Variants in COL22A1 observed in about 807,000 individuals in gnomAD.
The protein encoded by COL22A1 is collagen type XXII alpha 1 chain, also known as collagen alpha-1(XXII) chain.
A neutral mutation model predicts 248.9 loss-of-function variants in COL22A1; 221 were observed. That is an observed-to-expected ratio of 0.89 (90% CI 0.80 to 0.99). The LOEUF is 0.99. Ranked by LOEUF, COL22A1 falls within the 50% of genes least tolerant of loss-of-function variation. The probability of loss-of-function intolerance (pLI) is 0.00; values close to 1 mark genes in which losing one functional copy is unlikely to be tolerated. For synonymous variants in COL22A1, 891 were observed against 793.4 expected (o/e 1.12, Z -2.07); for missense variants, 2,240 against 2,179.0 (o/e 1.03, Z -0.56).
intron 12 of COL22A1, among the ~76,000 whole-genome samples, chr8:138,789,528 C>G (rs1164465536): frequency 6.6e-6 from 1 of 152,174 alleles, no homozygotes; most frequent in Non-Finnish European, 1.5e-5. Flanking sequence ...AGAAGTTTCA[C>G]AAATATAAAG....
In COL22A1 at chr8:138,678,530, T is replaced by C. The variant is rs369841562; in HGVS notation, c.3072+1087A>G. On this transcript the variant is annotated intron_variant, in intron 40 of 64. Coordinates refer to ENST00000303045, the MANE Select transcript of COL22A1 (RefSeq NM_152888.3). The stretch of plus-strand genomic sequence containing the variant: ...GGAAGTTCAAGATACTTCGGATCCC[T>C]AGAAAATCTAACTAGTTTCTATGGG... Among the ~76,000 whole-genome samples, 130 of 152,100 alleles carry C rather than the reference T, an allele frequency of 8.5e-4. 1 individual carries two copies. In the South Asian group the frequency reaches 0.021, roughly 25 times the overall value.
Position 138,811,834 on chromosome 8 carries a change from T to C in COL22A1, c.1414A>G (p.Lys472Glu), listed in dbSNP as rs1295644323. Residue 472 changes from lysine to glutamate, a missense_variant, in exon 9 of 65, where the codon AAG becomes GAG. Lys to Glu is a moderately conservative substitution (Grantham distance 56). Coordinates refer to ENST00000303045, the MANE Select transcript of COL22A1 (RefSeq NM_152888.3). ...GCTGGGCAGGAGCAGTTGATGGTCT[T>C]CAAAAACCCAATCTGTTCACTGCCT... ...TPGSEQIGFL[K>E]TINCSCPAGE... 1 of 1,429,010 alleles carries C rather than the reference T, an allele frequency of 7.0e-7. No individual in the cohort carries two copies. Among genetic ancestry groups the C allele is most frequent in the East Asian group, 3.5e-5 (1 of 28,198 alleles). The allele number at this position is 1,429,010 out of a possible 1,614,324, so 88.5% of individuals were successfully genotyped here.
chr8:138,882,978 CAGTT>C, intron 2 of COL22A1, 100 bp downstream of exon 2: 4 of 1,014,352 alleles, frequency 3.9e-6, no homozygotes, highest in Non-Finnish European at 5.7e-6. Flanking sequence ...CTCACACAGT[CAGTT>C]GTGAACTCAC....
chr8:138,831,078 C>T (rs1340933543), intron 5 of COL22A1, among the ~76,000 whole-genome samples: 3 of 152,182 alleles, frequency 2.0e-5, no homozygotes, highest in African/African-American at 7.2e-5. Context: ...CTCATTTCTT[C>T]TTCTGTAGAA....
chr8:138,686,250 G>C (rs1395392520), intron 37 of COL22A1, among the ~76,000 whole-genome samples: 1 of 152,144 alleles, frequency 6.6e-6, no homozygotes, highest in Non-Finnish European at 1.5e-5. Context: ...GGGTCGGCTT[G>C]AGGACCTGGG....
At chr8:138,876,141 C>T (rs183168945) in intron 3 of COL22A1, among the ~76,000 whole-genome samples, 258 of 152,276 alleles carry the variant, frequency 1.7e-3, no homozygotes, top group African/African-American at 6.0e-3. Context: ...GACAATCTGG[C>T]AATGCCCAGC....
chr8:138,751,742 C>T (rs575005628), intron 21 of COL22A1, among the ~76,000 whole-genome samples: 4 of 152,298 alleles, frequency 2.6e-5, no homozygotes, highest in Middle Eastern at 3.4e-3. Context: ...AAACCTAGTT[C>T]GTACTTTATA....
At chr8:138,786,571 C>T (rs1815534460) in intron 12 of COL22A1, among the ~76,000 whole-genome samples, 1 of 152,108 alleles carries the variant, frequency 6.6e-6, no homozygotes, top group African/African-American at 2.4e-5. Context: ...TCCAAAATTC[C>T]CCAGCTGGAC....
At chr8:138,684,357 C>A in intron 39 of COL22A1, 68 bp downstream of exon 39, 1 of 1,009,356 alleles carries the variant, frequency 9.9e-7, no homozygotes, top group South Asian at 1.3e-5. Context: ...TGCTTATAAT[C>A]AATTTTTCCA....
At chr8:138,808,872 G>A (rs1299496802) in intron 9 of COL22A1, among the ~76,000 whole-genome samples, 1 of 152,174 alleles carries the variant, frequency 6.6e-6, no homozygotes, top group Non-Finnish European at 1.5e-5. Flanking sequence ...AAGAGTGCCT[G>A]GTACACAGTT....
At chr8:138,750,774 A>C (rs1287255618) in intron 22 of COL22A1, among the ~76,000 whole-genome samples, 1 of 152,212 alleles carries the variant, frequency 6.6e-6, no homozygotes, top group Admixed American at 6.5e-5. Context: ...AGTTCAACAA[A>C]TGTGAGCTGA....
At chr8:138,675,978 G>A (rs1825474242) in intron 41 of COL22A1, among the ~76,000 whole-genome samples, 1 of 152,180 alleles carries the variant, frequency 6.6e-6, no homozygotes, top group African/African-American at 2.4e-5. Flanking sequence ...GATATTGATA[G>A]CAATCCTCAA....
At chr8:138,850,968 T>C (rs1821596872) in intron 3 of COL22A1, among the ~76,000 whole-genome samples, 2 of 152,156 alleles carry the variant, frequency 1.3e-5, no homozygotes, top group Admixed American at 6.5e-5. Flanking sequence ...CACGTCTCAG[T>C]GCAAGGAACA....
intron 42 of COL22A1, among the ~76,000 whole-genome samples, chr8:138,662,672 CG>C (rs1824074626): frequency 6.6e-6 from 1 of 151,934 alleles, no homozygotes; most frequent in African/African-American, 2.4e-5. Flanking sequence ...ACTGTGCTAC[CG>C]GGCTGCTCAG....
chr8:138,822,378 T>G (rs7819435), intron 6 of COL22A1, among the ~76,000 whole-genome samples: 23,767 of 151,990 alleles, frequency 0.16, 3,486 homozygotes, highest in African/African-American at 0.39. Context: ...GAATAAATGA[T>G]TATGTTCTCA....
chr8:138,835,164 G>A (rs951191054), intron 4 of COL22A1, among the ~76,000 whole-genome samples: 6 of 152,132 alleles, frequency 3.9e-5, no homozygotes, highest in African/African-American at 1.4e-4. Flanking sequence ...GGATTGGACC[G>A]TTCCCTGCCC....
intron 40 of COL22A1, among the ~76,000 whole-genome samples, chr8:138,677,472 T>G (rs2046843120): frequency 9.2e-6 from 1 of 109,212 alleles, no homozygotes; most frequent in Non-Finnish European, 1.9e-5. Context: ...GGAAGAAATT[T>G]TGTTTGCCAT....
chr8:138,707,374 T>C lies in COL22A1; in HGVS notation c.2518-4027A>G, dbSNP rs148836960. Among the ~76,000 whole-genome samples the C allele has an allele frequency of 2.1e-3, 319 of 152,322 alleles. 5 individuals carry two copies. In the East Asian group the frequency reaches 0.056, roughly 27 times the overall value. On this transcript the variant is annotated intron_variant, in intron 30 of 64. Coordinates refer to ENST00000303045, the MANE Select transcript of COL22A1 (RefSeq NM_152888.3). ...GACCAATATCCCTGATGAACATCGATGCAAAAATCCTCAATAAAATATGGC... is the reference window on the plus strand; with the variant it reads ...GACCAATATCCCTGATGAACATCGACGCAAAAATCCTCAATAAAATATGGC...
intron 7 of COL22A1, 61 bp downstream of exon 7, chr8:138,821,075 C>T (rs914520291): frequency 1.0e-5 from 16 of 1,569,786 alleles, no homozygotes; most frequent in Non-Finnish European, 1.4e-5. Flanking sequence ...GGGCACTTAG[C>T]TCCCAAGGCT....
Sources: allele counts gnomAD v4.1 joint callset (sites outside exome capture counted in the v4.1 genomes callset), GRCh38; gene constraint gnomAD v4.1.1; transcripts MANE v1.5; gene names NCBI Gene and HGNC (gene_info 2026-07-23, HGNC 2026-07-21).